Variants in RASEF observed in about 807,000 individuals in gnomAD.
RASEF encodes RAS and EF-hand domain containing.
A neutral mutation model predicts 90.1 loss-of-function variants in RASEF; 68 were observed. The ratio of observed to expected loss-of-function variants is 0.75; its 90% CI spans 0.62 to 0.92. RASEF has a LOEUF of 0.92. Among genes scored for constraint, RASEF ranks in the 40% least tolerant of loss-of-function variants. The pLI, the probability that RASEF is intolerant of heterozygous loss-of-function variation, is 0.00. For synonymous variants in RASEF, 331 were observed against 345.2 expected, an observed-to-expected ratio of 0.96 and a Z score of 0.46; for missense variants, 949 against 937.2, an observed-to-expected ratio of 1.01 and a Z score of -0.16.
intron 3 of RASEF, among the ~76,000 whole-genome samples, chr9:83,017,226 C>A (rs1829357403): frequency 6.6e-6 from 1 of 151,408 alleles, no homozygotes; most frequent in African/African-American, 2.4e-5. Context: ...TGGCTCATGA[C>A]TGTAATCCCA....
chr9:83,116,754 T>C, the RASEF span, among the ~76,000 whole-genome samples: 1 of 152,170 alleles, frequency 6.6e-6, no homozygotes, highest in Non-Finnish European at 1.5e-5. Flanking sequence ...ATTCCCACTT[T>C]TTTTTCTGTA....
chr9:83,078,251 C>A, the RASEF span, among the ~76,000 whole-genome samples: 6 of 152,294 alleles, frequency 3.9e-5, no homozygotes, highest in East Asian at 1.2e-3. Flanking sequence ...AAAATGGAGG[C>A]CAGGCCTGAA....
chr9:83,192,090 C>G, the RASEF span, among the ~76,000 whole-genome samples: 1 of 152,090 alleles, frequency 6.6e-6, no homozygotes, highest in East Asian at 1.9e-4. Flanking sequence ...AAAGGGGATG[C>G]TTATACACTG....
intron 1 of RASEF, among the ~76,000 whole-genome samples, 189 bp downstream of exon 1, chr9:83,062,248 G>A (rs957531888): frequency 4.6e-5 from 7 of 152,126 alleles, no homozygotes; most frequent in Non-Finnish European, 1.0e-4. Context: ...CCCAAACGCT[G>A]ACTCTCTGAC....
chr9:83,048,144 G>A, intron 1 of RASEF: 1 of 985,402 alleles, frequency 1.0e-6, no homozygotes, highest in Non-Finnish European at 1.2e-6. Context: ...CTCCACGTTT[G>A]TAAACCCTCC....
chr9:83,016,380 ACTTCTCGGGGGTGTCC>A lies in RASEF; in HGVS notation c.670-496_670-481del, dbSNP rs1245460277. 2.0e-5 allele frequency among the ~76,000 whole-genome samples: 3 copies of A among 151,810 alleles called. No homozygotes were observed. In the East Asian group the frequency reaches 5.8e-4, roughly 29 times the overall value. On this transcript the variant is annotated intron_variant, in intron 3 of 16. Transcript: ENST00000376447. ...GCAAAGTGCCTCCCTGTGGCCTGGTACTTCTCGGGGGTGTCCCTTCAAGTTCTTCTGGAGCAGAGAA... is the reference window on the plus strand; with the variant it reads ...GCAAAGTGCCTCCCTGTGGCCTGGTACTTCAAGTTCTTCTGGAGCAGAGAA...
At chr9:83,032,999 A>T (rs1404430753) in intron 1 of RASEF, among the ~76,000 whole-genome samples, 2 of 152,310 alleles carry the variant, frequency 1.3e-5, no homozygotes, top group South Asian at 2.1e-4. Flanking sequence ...AAACACAGTG[A>T]TCCAGTAGGG....
the RASEF span, among the ~76,000 whole-genome samples, chr9:83,192,156 A>G: frequency 6.6e-6 from 1 of 152,192 alleles, no homozygotes; most frequent in Non-Finnish European, 1.5e-5. Context: ...GTGGTTCCTC[A>G]AAGACCTAAA....
intron 1 of RASEF, among the ~76,000 whole-genome samples, chr9:83,034,776 C>T (rs1342107488): frequency 6.6e-6 from 1 of 152,204 alleles, no homozygotes; most frequent in Non-Finnish European, 1.5e-5. Flanking sequence ...TCCTCCACCA[C>T]ATCTGCTTTA....
chr9:83,148,835 C>A, the RASEF span, among the ~76,000 whole-genome samples: 1 of 152,168 alleles, frequency 6.6e-6, no homozygotes, highest in African/African-American at 2.4e-5. Context: ...GAGAAGACAG[C>A]GAGAAAACCA....
intron 1 of RASEF, among the ~76,000 whole-genome samples, chr9:83,059,526 A>C (rs1228811244): frequency 6.6e-6 from 1 of 152,158 alleles, no homozygotes; most frequent in Non-Finnish European, 1.5e-5. Flanking sequence ...CCTGAGTATG[A>C]AACTCCCTTT....
the RASEF span, among the ~76,000 whole-genome samples, chr9:83,114,760 G>A: frequency 2.0e-5 from 3 of 152,176 alleles, no homozygotes; most frequent in Non-Finnish European, 2.9e-5. Context: ...ATTTTGGTCA[G>A]ACCGGTTGTC....
At chr9:83,190,340 T>G in the RASEF span, among the ~76,000 whole-genome samples, 1 of 152,200 alleles carries the variant, frequency 6.6e-6, no homozygotes, top group Non-Finnish European at 1.5e-5. Flanking sequence ...ACTAAACCAT[T>G]TTAAAATATA....
the RASEF span, among the ~76,000 whole-genome samples, chr9:83,098,535 C>A: frequency 1.3e-5 from 2 of 152,128 alleles, no homozygotes; most frequent in African/African-American, 2.4e-5. Flanking sequence ...TCATTATAAT[C>A]ATAAAATTAT....
chr9:83,069,418 A>G, the RASEF span, among the ~76,000 whole-genome samples: 1 of 152,192 alleles, frequency 6.6e-6, no homozygotes, highest in South Asian at 2.1e-4. Context: ...TTTTATGTCA[A>G]TAGAATTGTA....
At chr9:83,113,308 T>C in the RASEF span, among the ~76,000 whole-genome samples, 1 of 152,220 alleles carries the variant, frequency 6.6e-6, no homozygotes, top group Non-Finnish European at 1.5e-5. Flanking sequence ...TGTCTTTACT[T>C]TAATCTCTTA....
At chr9:82,998,277 G>A in intron 13 of RASEF, 88 bp downstream of exon 13, 1 of 701,586 alleles carries the variant, frequency 1.4e-6, no homozygotes, top group Non-Finnish European at 2.5e-6. Flanking sequence ...TATAATTATA[G>A]AATTTTGAGT....
rs1157534855 is a variant in RASEF at position 83,009,659 on chromosome 9, T to G, written c.941A>C (p.Gln314Pro). The G allele has an allele frequency of 6.2e-7, 1 of 1,605,516 alleles. No homozygotes were observed. The highest frequency in any genetic ancestry group is 8.5e-7 in the Non-Finnish European group (1 of 1,172,650). Residue 314 changes from glutamine to proline, a missense_variant, in exon 6 of 17, where the codon CAG (glutamine) becomes CCG (proline). Gln to Pro is a moderately conservative substitution (Grantham distance 76, BLOSUM62 -1). Around this residue, in one of 3 missense-constraint regions of RASEF, gnomAD observed 656 missense variants for 592.2 expected, o/e 1.11. Transcript: ENST00000376447. ...LDALKSDYADQSLNTERDLEI... is the reference protein window; with the variant it reads ...LDALKSDYADPSLNTERDLEI... Reference sequence around the variant, plus strand: ...TTCATACCTTTCAGTATTCAGACTCTGATCAGCATAATCACTTTTCAAAGC... The same window carrying G: ...TTCATACCTTTCAGTATTCAGACTCGGATCAGCATAATCACTTTTCAAAGC...
the RASEF span, among the ~76,000 whole-genome samples, chr9:83,180,992 C>T: frequency 6.6e-6 from 1 of 151,540 alleles, no homozygotes; most frequent in Non-Finnish European, 1.5e-5. Context: ...GATATTTTGG[C>T]CAGGAGAGCT....
Sources: gnomAD v4.1 joint callset for allele counts (sites outside exome capture counted in the v4.1 genomes callset) on GRCh38, gnomAD v4.1.1 for gene constraint, gnomAD v4.1.1 regional missense constraint, MANE v1.5 for transcripts, NCBI Gene and HGNC (gene_info 2026-07-23, HGNC 2026-07-21) for gene names.